Variants in TENM1 observed in about 807,000 individuals in gnomAD.
The protein encoded by TENM1 is teneurin transmembrane protein 1, also known as teneurin-1.
Under a neutral mutation model 174.8 loss-of-function variants are expected in TENM1, and 35 were observed. That is an observed-to-expected ratio of 0.20 (90% CI 0.15 to 0.27). The LOEUF (loss-of-function observed/expected upper bound fraction) is 0.27. Among genes scored for constraint, TENM1 ranks in the 10% least tolerant of loss-of-function variants. TENM1 has a pLI of 1.00. For missense variants in TENM1, 1,633 were observed against 2,130.1 expected (o/e 0.77, Z 4.59); for synonymous variants, 781 against 798.7 (o/e 0.98, Z 0.37).
intron 3 of TENM1, among the ~76,000 whole-genome samples, chrX:124,861,270 CTGTTA>C: frequency 9.0e-6 from 1 of 111,553 alleles, no homozygotes; most frequent in Non-Finnish European, 1.9e-5. Flanking sequence ...TTGTTTTGTT[CTGTTA>C]TGTTTTGTTT....
At chrX:124,928,962 T>A (rs1179977243) in intron 1 of TENM1, among the ~76,000 whole-genome samples, 1 of 112,205 alleles carries the variant, frequency 8.9e-6, no homozygotes, top group African/African-American at 3.2e-5. Context: ...TTATTTTCTA[T>A]TGATTTCAAA....
chrX:124,849,872 G>T (rs1036106854), intron 3 of TENM1, among the ~76,000 whole-genome samples: 5 of 111,985 alleles, frequency 4.5e-5, no homozygotes, highest in African/African-American at 6.5e-5. Flanking sequence ...CAGCTATTTT[G>T]TTTACTACTT....
rs5958478 is a variant in TENM1, at chrX:124,385,378, C to A, written c.6076+299G>T. On this transcript the variant is annotated intron_variant, in intron 29 of 31. Transcript: ENST00000422452. ...AGTTTCAGTGAGACTTATATCTTGC[C>A]GTTTCATCTTTGAGAAGATTTGGTG... 0.31 allele frequency among the ~76,000 whole-genome samples: 34,221 copies of A among 110,935 alleles called. 4,315 individuals are homozygous for A. Among genetic ancestry groups the A allele is most frequent in the African/African-American group, 0.49 (14,882 of 30,416 alleles).
intron 3 of TENM1, among the ~76,000 whole-genome samples, chrX:124,795,537 G>C (rs1243211297): frequency 9.0e-6 from 1 of 111,561 alleles, no homozygotes; most frequent in Non-Finnish European, 1.9e-5. Flanking sequence ...AAATATGATG[G>C]TAAGTGTAAT....
At chrX:124,384,954 TCATAATACAATATTAGAGAC>T in intron 29 of TENM1, 100 bp from the exon 33 acceptor site, 1 of 755,629 alleles carries the variant, frequency 1.3e-6, no homozygotes, top group Non-Finnish European at 1.9e-6. Context: ...GCTTTTATAT[TCATAATACAATATTAGAGAC>T]TGATCTCTGA....
chrX:124,659,890 T>C (rs1458612516), intron 6 of TENM1, among the ~76,000 whole-genome samples: 1 of 110,928 alleles, frequency 9.0e-6, no homozygotes, highest in Non-Finnish European at 1.9e-5. Flanking sequence ...GAATAATACT[T>C]TCAACAAATG....
the TENM1 span, among the ~76,000 whole-genome samples, chrX:125,079,123 C>G: frequency 8.9e-6 from 1 of 111,798 alleles, no homozygotes; most frequent in South Asian, 3.7e-4. Context: ...ACAGACAAAA[C>G]ATCTAAAGGG....
intron 22 of TENM1, among the ~76,000 whole-genome samples, chrX:124,460,366 G>C (rs773286043): frequency 1.3e-4 from 15 of 111,467 alleles, no homozygotes; most frequent in Non-Finnish European, 1.1e-4. Flanking sequence ...AAGAAAATGT[G>C]GTACATATAC....
chrX:124,957,122 C>T (rs1270585487), intron 1 of TENM1, among the ~76,000 whole-genome samples: 1 of 111,691 alleles, frequency 9.0e-6, no homozygotes, highest in Non-Finnish European at 1.9e-5. Flanking sequence ...TTACCTAGAA[C>T]AGTACCTGGT....
intron 7 of TENM1, among the ~76,000 whole-genome samples, chrX:124,652,688 A>C (rs2051339368): frequency 8.9e-6 from 1 of 112,112 alleles, no homozygotes; most frequent in Non-Finnish European, 1.9e-5. Context: ...AAATAAATGA[A>C]CAGTCAAAAA....
the TENM1 span, among the ~76,000 whole-genome samples, chrX:125,187,909 T>G: frequency 9.0e-6 from 1 of 111,717 alleles, no homozygotes; most frequent in African/African-American, 3.3e-5. Flanking sequence ...TAGATATAGA[T>G]GTATGTAAAT....
Position 124,862,277 on chromosome X carries a change from T to C in TENM1, c.535+32019A>G, listed in dbSNP as rs1308211898. ...GGCACCAACTTAACAGCTATCTATG[T>C]AGAAAAAACACCATAAGAACCAAAA... On this transcript the variant is annotated intron_variant, in intron 3 of 31. Coordinates refer to ENST00000422452, the Ensembl canonical transcript of TENM1. Among the ~76,000 whole-genome samples the C allele has an allele frequency of 2.7e-5, 3 of 111,731 alleles. No individual in the cohort carries two copies. The East Asian group carries it at 8.4e-4, about 31-fold the overall frequency.
the TENM1 span, among the ~76,000 whole-genome samples, chrX:125,023,342 T>C: frequency 9.0e-6 from 1 of 111,340 alleles, no homozygotes; most frequent in Non-Finnish European, 1.9e-5. Flanking sequence ...TCCACGATGA[T>C]TATAAGTTTC....
chrX:124,819,170 G>C (rs770101296), intron 3 of TENM1, among the ~76,000 whole-genome samples: 2 of 111,868 alleles, frequency 1.8e-5, no homozygotes, highest in African/African-American at 6.5e-5. Context: ...GCAAAATCAA[G>C]AATGGCTAGC....
chrX:124,970,918 A>C, the TENM1 span, among the ~76,000 whole-genome samples: 1 of 110,708 alleles, frequency 9.0e-6, no homozygotes, highest in East Asian at 2.9e-4. Context: ...TGGATTAAGA[A>C]AATGTGGCAC....
chrX:125,029,121 G>C, the TENM1 span, among the ~76,000 whole-genome samples: 6 of 111,559 alleles, frequency 5.4e-5, no homozygotes, highest in Non-Finnish European at 9.4e-5. Flanking sequence ...AGTTGGCTTG[G>C]GTTGGCCTTG....
chrX:124,520,791 T>TAAAAA lies in TENM1; in HGVS notation c.3034-12_3034-8dup. On this transcript the variant is annotated splice_polypyrimidine_tract_variant and splice_region_variant and intron_variant, in intron 17 of 31. Transcript: ENST00000422452. ...GAATTTCCTCCTGTACAACCTGAAA[T>TAAAAA]AAAAAAAAAAAAAAAAAGCCAAATA... 1.9e-6 allele frequency: 2 copies of TAAAAA among 1,035,645 alleles called. No individual in the cohort carries two copies. Among genetic ancestry groups the TAAAAA allele is most frequent in the Non-Finnish European group, 2.5e-6 (2 of 797,532 alleles). The allele number at this position is 1,035,645 out of a possible 1,213,427, so 85.3% of individuals were successfully genotyped here. A position where few individuals can be genotyped will look rare whatever the true frequency, so the allele number is the denominator to read the frequency against.
chrX:124,725,155 G>A (rs1213836113), intron 4 of TENM1, among the ~76,000 whole-genome samples: 3 of 110,690 alleles, frequency 2.7e-5, no homozygotes, highest in South Asian at 3.9e-4. Flanking sequence ...TCCTCTCCCC[G>A]TTTTCCCATA....
chrX:124,671,610 C>T, intron 6 of TENM1, 73 bp downstream of exon 9: 6 of 1,020,886 alleles, frequency 5.9e-6, no homozygotes, highest in Non-Finnish European at 8.0e-6. Flanking sequence ...TGAAGTGAAA[C>T]CATCCCAGCT....
Sources: gnomAD v4.1 joint callset for allele counts (sites outside exome capture counted in the v4.1 genomes callset) on GRCh38, gnomAD v4.1.1 for gene constraint, MANE v1.5 for transcripts, NCBI Gene and HGNC (gene_info 2026-07-23, HGNC 2026-07-21) for gene names.